The following GK5 variants were observed in gnomAD, a reference collection of about 807,000 sequenced individuals.
GK5 encodes ATP:glycerol 3-phosphotransferase 5.
In GK5, 39 loss-of-function variants were observed where a neutral mutation model predicts 77.3. The ratio of observed to expected loss-of-function variants is 0.50; its 90% CI spans 0.39 to 0.66. The LOEUF (loss-of-function observed/expected upper bound fraction) is 0.66. Among genes scored for constraint, GK5 ranks in the 30% least tolerant of loss-of-function variants. The pLI is 0.00. For synonymous variants in GK5, 211 were observed against 208.0 expected (o/e 1.01, Z -0.13); for missense variants, 487 against 633.8 (o/e 0.77, Z 2.49).
At chr3:142,204,938 T>C (rs1271918251) in intron 3 of GK5, 150 bp from the exon 4 acceptor site, 1 of 598,610 alleles carries the variant, frequency 1.7e-6, no homozygotes, top group Non-Finnish European at 3.0e-6. Context: ...TTCTTCTTGA[T>C]TTTATAAGTT....
At chr3:142,217,404 G>A (rs1577153662) in intron 1 of GK5, among the ~76,000 whole-genome samples, 2 of 152,124 alleles carry the variant, frequency 1.3e-5, no homozygotes, top group East Asian at 3.9e-4. Context: ...TACTGGATGG[G>A]CTCAATAGCA....
Position 142,218,563 on chromosome 3 carries a change from A to G in GK5, c.148-2871T>C, listed in dbSNP as rs546872741. 1.3e-3 allele frequency among the ~76,000 whole-genome samples: 195 copies of G among 151,274 alleles called. 2 individuals carry two copies. Among genetic ancestry groups the G allele is most frequent in the African/African-American group, 4.4e-3 (180 of 41,308 alleles). On this transcript the variant is annotated intron_variant, in intron 1 of 15. Transcript: ENST00000392993. ...CTCAAAAAAAAAAAAAAAAAAATCA[A>G]CCTCAACCCAAACTTTGCAACTTAC...
intron 4 of GK5, among the ~76,000 whole-genome samples, chr3:142,200,164 G>C (rs1214572825): frequency 6.0e-5 from 9 of 150,456 alleles, no homozygotes; most frequent in Non-Finnish European, 1.3e-4. Flanking sequence ...GGTTTTTTTT[G>C]AGACAGAGTC....
At chr3:142,174,991 A>G (rs1315018309) in intron 12 of GK5, among the ~76,000 whole-genome samples, 1 of 152,214 alleles carries the variant, frequency 6.6e-6, no homozygotes, top group Non-Finnish European at 1.5e-5. Context: ...TGGAGGAAGA[A>G]AGGACACAGA....
chr3:142,213,042 G>C (rs1319644156), intron 3 of GK5, among the ~76,000 whole-genome samples: 2 of 151,722 alleles, frequency 1.3e-5, no homozygotes, highest in Non-Finnish European at 1.5e-5. Context: ...CACCGTGTTA[G>C]CCAGGATGGT....
rs751967311 is a variant in GK5 at position 142,170,420 on chromosome 3, T to G, written c.1346A>C (p.Gln449Pro). 3 of 1,613,674 alleles carry G rather than the reference T, an allele frequency of 1.9e-6. No homozygotes were observed. In the East Asian group the frequency reaches 6.7e-5, roughly 36 times the overall value. Residue 449 changes from glutamine to proline, a missense_variant, in exon 15 of 16, where the codon CAG becomes CCG. Physicochemically the swap from Gln to Pro is moderately conservative, Grantham distance 76 (BLOSUM62 -1). Around this residue, in one of 4 missense-constraint regions of GK5, gnomAD observed 2 missense variants for 19.6 expected, o/e 0.10. Transcript: ENST00000392993. ...CTCATTAATCAGGTCTGAAGTCATC[T>G]GCATGACAAAACCATTCTTACAAAC... ...GGVCKNGFVMQMTSDLINENI... is the reference protein window; with the variant it reads ...GGVCKNGFVMPMTSDLINENI...
At position 142,186,433 on chromosome 3, in the gene GK5, A is replaced by G; in HGVS notation, c.681+19T>C. On this transcript the variant is annotated intron_variant, in intron 7 of 15. Coordinates refer to ENST00000392993, the MANE Select transcript of GK5 (RefSeq NM_001039547.3). ...ACACAAAAATGTGTGATTCAAAAAG[A>G]AGAAAAAAAAATTTTTACCTTATAT... 7.0e-7 allele frequency: 1 copy of G among 1,435,410 alleles called. No homozygotes were observed. Among genetic ancestry groups the G allele is most frequent in the South Asian group, 1.3e-5 (1 of 74,832 alleles). The allele number at this position is 1,435,410 out of a possible 1,614,324, so 88.9% of individuals were successfully genotyped here. A position where few individuals can be genotyped will look rare whatever the true frequency, so the allele number is the denominator to read the frequency against.
At chr3:142,190,428 T>C (rs1390124898) in intron 5 of GK5, among the ~76,000 whole-genome samples, 1 of 152,180 alleles carries the variant, frequency 6.6e-6, no homozygotes, top group African/African-American at 2.4e-5. Flanking sequence ...ATTGAGGTCC[T>C]AGGGCAATGG....
At chr3:142,177,866 T>TC (rs1466339517) in intron 11 of GK5, among the ~76,000 whole-genome samples, 2 of 150,608 alleles carry the variant, frequency 1.3e-5, no homozygotes, top group East Asian at 3.9e-4. Context: ...TCTTTTTTTT[T>TC]TTTTTTTTTG....
At chr3:142,170,105 T>G in intron 15 of GK5, 1 of 616,044 alleles carries the variant, frequency 1.6e-6, no homozygotes, top group East Asian at 2.8e-5. Flanking sequence ...TGTCTCATAC[T>G]TCTGACTGAA....
chr3:142,180,232 C>T (rs1255067231), intron 11 of GK5, among the ~76,000 whole-genome samples: 1 of 152,136 alleles, frequency 6.6e-6, no homozygotes, highest in East Asian at 1.9e-4. Flanking sequence ...TGACAGCAGA[C>T]AGAGCAGCAG....
chr3:142,169,951 G>A (rs561871331), intron 15 of GK5, among the ~76,000 whole-genome samples: 2 of 152,120 alleles, frequency 1.3e-5, no homozygotes, highest in Non-Finnish European at 2.9e-5. Context: ...GGGATTACAG[G>A]CATGAGCCAC....
At chr3:142,205,768 G>A (rs953911202) in intron 3 of GK5, among the ~76,000 whole-genome samples, 4 of 151,956 alleles carry the variant, frequency 2.6e-5, no homozygotes, top group South Asian at 2.1e-4. Flanking sequence ...CATAATATGA[G>A]GTTTACCATT....
At chr3:142,173,616 G>A (rs893932858) in intron 12 of GK5, among the ~76,000 whole-genome samples, 3 of 152,078 alleles carry the variant, frequency 2.0e-5, no homozygotes, top group East Asian at 1.9e-4. Flanking sequence ...CCCGGGAGGC[G>A]GAGCTTGCAG....
chr3:142,223,506 G>A (rs1231468691), intron 1 of GK5, among the ~76,000 whole-genome samples: 2 of 152,170 alleles, frequency 1.3e-5, no homozygotes, highest in Non-Finnish European at 2.9e-5. Context: ...AAGGGACCAG[G>A]GAGCTGCTAC....
At chr3:142,182,902 G>C (rs748742137) in intron 10 of GK5, 21 bp downstream of exon 10, 1 of 1,562,074 alleles carries the variant, frequency 6.4e-7, no homozygotes, top group Non-Finnish European at 8.8e-7. Context: ...TTAATAAATA[G>C]GATAAATCCT....
In GK5 at chr3:142,172,451, T is replaced by C; in HGVS notation, c.1149A>G (p.Pro383=). Residue 383 remains proline (P), a synonymous_variant, in exon 13 of 16, where the codon CCA becomes CCG. Transcript: ENST00000392993. The part of the protein sequence containing the change: ...FVPSFSGLQA[P]LNDPWACASF... ...AGGCACATGCCCAGGGGTCATTTAA[T>C]GGAGCCTACAGTAAGAGATAACAAG... is the stretch of plus-strand genomic sequence containing the variant. 1 of 1,566,082 alleles carries C rather than the reference T, an allele frequency of 6.4e-7. No homozygotes were observed.
At chr3:142,170,090 G>A in intron 15 of GK5, 1 of 585,044 alleles carries the variant, frequency 1.7e-6, no homozygotes, top group South Asian at 1.9e-5. Flanking sequence ...AGAATTAACT[G>A]TTCTTGTCTC....
rs1485235223 is a variant in GK5 at position 142,163,036 on chromosome 3, A to G, written c.*2586T>C. The stretch of plus-strand genomic sequence containing the variant: ...AAAGAAAGGACAATTTTGTTGCTCA[A>G]TTGATCTTATCAACTGTTTCTGCAA... On this transcript the variant is annotated 3_prime_UTR_variant, in exon 16 of 16. Coordinates refer to ENST00000392993, the MANE Select transcript of GK5 (RefSeq NM_001039547.3). 2.0e-5 allele frequency: 3 copies of G among 151,946 alleles called. No individual in the cohort carries two copies. Among genetic ancestry groups the G allele is most frequent in the Admixed American group, 6.6e-5 (1 of 15,240 alleles). The allele number at this position is 151,946 out of a possible 1,614,324, so 9.4% of individuals were successfully genotyped here.
Sources: gnomAD v4.1 joint callset for allele counts (sites outside exome capture counted in the v4.1 genomes callset) on GRCh38, gnomAD v4.1.1 for gene constraint, gnomAD v4.1.1 regional missense constraint, MANE v1.5 for transcripts, NCBI Gene and HGNC (gene_info 2026-07-23, HGNC 2026-07-21) for gene names.